CLIC5: variants seen among roughly 807,000 people sequenced by gnomAD.
The protein encoded by CLIC5 is CLIC family member 5.
In CLIC5, 20 loss-of-function variants were observed where a neutral mutation model predicts 24.7. That is an observed-to-expected ratio of 0.81 (90% CI 0.57 to 1.18). The LOEUF is 1.18. Ranked by LOEUF, CLIC5 falls within the 50% of genes most tolerant of loss-of-function variation. The pLI, the probability that CLIC5 is intolerant of heterozygous loss-of-function variation, is 0.00. For missense variants in CLIC5, 341 were observed against 326.1 expected (o/e 1.05, Z -0.35); for synonymous variants, 159 against 135.6 (o/e 1.17, Z -1.20).
At chr6:46,079,293 AC>A (rs1209323577) in intron 1 of CLIC5, among the ~76,000 whole-genome samples, 1 of 152,178 alleles carries the variant, frequency 6.6e-6, no homozygotes, top group Non-Finnish European at 1.5e-5. Context: ...CAAATCTGTG[AC>A]CTTAGAAGCA....
intron 4 of CLIC5, among the ~76,000 whole-genome samples, chr6:45,924,815 T>A (rs9381411): frequency 0.3 from 46,104 of 151,916 alleles, 7,178 homozygotes; most frequent in East Asian, 0.47. Flanking sequence ...AAAATACTCA[T>A]CTTCCTAGAT....
chr6:46,005,852 C>A (rs1051473265), intron 1 of CLIC5, among the ~76,000 whole-genome samples: 3 of 151,506 alleles, frequency 2.0e-5, no homozygotes, highest in African/African-American at 7.3e-5. Flanking sequence ...GACACCAAAT[C>A]TATTGGTGCA....
At chr6:45,960,299 A>G (rs1475679584) in intron 1 of CLIC5, among the ~76,000 whole-genome samples, 1 of 152,234 alleles carries the variant, frequency 6.6e-6, no homozygotes, top group African/African-American at 2.4e-5. Flanking sequence ...AAGTGACCAG[A>G]TGACATTGAA....
chr6:45,990,976 G>C (rs1016226209), intron 1 of CLIC5, among the ~76,000 whole-genome samples: 1 of 152,158 alleles, frequency 6.6e-6, no homozygotes, highest in South Asian at 2.1e-4. Flanking sequence ...CTGTCCATGT[G>C]AGGATTAGAT....
intron 4 of CLIC5, among the ~76,000 whole-genome samples, chr6:45,922,540 A>G (rs994968805): frequency 1.3e-5 from 2 of 152,140 alleles, no homozygotes; most frequent in African/African-American, 2.4e-5. Context: ...TAAAGGCAAG[A>G]GACTTTGGCC....
At chr6:45,985,423 A>T (rs78847809) in intron 1 of CLIC5, among the ~76,000 whole-genome samples, 1,591 of 152,284 alleles carry the variant, frequency 0.01, 14 homozygotes, top group South Asian at 0.021. Context: ...ATTTCTTCCC[A>T]TAGGTACCTT....
chr6:45,895,056 G>T (rs1340967195), downstream of CLIC5, among the ~76,000 whole-genome samples: 1 of 152,016 alleles, frequency 6.6e-6, no homozygotes, highest in Non-Finnish European at 1.5e-5. Flanking sequence ...TATCTCACTA[G>T]AAAAAGTCTG....
At chr6:46,101,829 A>G in the CLIC5 span, among the ~76,000 whole-genome samples, 5 of 152,346 alleles carry the variant, frequency 3.3e-5, no homozygotes, top group East Asian at 3.9e-4. Context: ...GATAATTTCC[A>G]AAGTCCTTTT....
chr6:46,084,356 G>A (rs4331969), upstream of CLIC5, among the ~76,000 whole-genome samples: 84,711 of 151,940 alleles, frequency 0.56, 23,939 homozygotes, highest in Middle Eastern at 0.77. Flanking sequence ...AGTTGATGCA[G>A]TTTCTTCCTA....
intron 1 of CLIC5, among the ~76,000 whole-genome samples, chr6:46,060,665 A>G (rs1457583356): frequency 6.6e-6 from 1 of 152,150 alleles, no homozygotes; most frequent in Non-Finnish European, 1.5e-5. Context: ...TGGGTAGGAC[A>G]ATGTAATTGC....
intron 1 of CLIC5, among the ~76,000 whole-genome samples, chr6:45,979,058 C>A (rs1765481966): frequency 6.6e-6 from 1 of 152,040 alleles, no homozygotes; most frequent in South Asian, 2.1e-4. Context: ...GGATACACAA[C>A]AGCCACGGAC....
Position 45,936,697 on chromosome 6 carries a change from T to A in CLIC5, c.406+4850A>T, listed in dbSNP as rs558322568. 2.0e-5 allele frequency among the ~76,000 whole-genome samples: 3 copies of A among 151,962 alleles called. No individual in the cohort carries two copies. In the South Asian group the frequency reaches 6.3e-4, roughly 32 times the overall value. On this transcript the variant is annotated intron_variant, in intron 4 of 5. Transcript: ENST00000339561. ...AACTCTAAAGTAGTTGGCTTTAGAG[T>A]CTGCAAGTTGAGCCATACACAGTCA... is the stretch of plus-strand genomic sequence containing the variant.
At chr6:45,992,140 T>A (rs912691218) in intron 1 of CLIC5, among the ~76,000 whole-genome samples, 1 of 152,182 alleles carries the variant, frequency 6.6e-6, no homozygotes, top group Admixed American at 6.5e-5. Context: ...CCTACCATCT[T>A]CAATGGTATC....
chr6:45,963,072 A>G (rs530860970), intron 1 of CLIC5, among the ~76,000 whole-genome samples: 5 of 152,034 alleles, frequency 3.3e-5, no homozygotes, highest in Admixed American at 6.5e-5. Context: ...ATGTCCCGCT[A>G]TTTGAATAAA....
At chr6:46,057,740 C>T (rs779557050) in intron 1 of CLIC5, among the ~76,000 whole-genome samples, 2 of 152,210 alleles carry the variant, frequency 1.3e-5, no homozygotes, top group African/African-American at 2.4e-5. Context: ...CCCACCCCTA[C>T]AAACTAGCCA....
rs528874029 is a variant in CLIC5 at position 46,049,192 on chromosome 6, T to C, written c.540+30511A>G. On this transcript the variant is annotated intron_variant, in intron 1 of 5. Coordinates refer to the CLIC5 transcript ENST00000185206. ...AAACTTGTAGGGAGTAATCCTAGAC[T>C]ATCTCTTTCATAATCATCTTTGGGA... 3.3e-5 allele frequency among the ~76,000 whole-genome samples: 5 copies of C among 152,180 alleles called. No homozygotes were observed. In the East Asian group the frequency reaches 9.6e-4, roughly 29 times the overall value.
Position 45,908,633 on chromosome 6 carries a change from A to ACTCTT in CLIC5, c.589-5379_589-5378insAAGAG, listed in dbSNP as rs1581718713. ...TATTTTTGTTCCACTGTGGTCCAAG[A>ACTCTT]GTATGATTGATATAATTTCTATTTT... On this transcript the variant is annotated intron_variant, in intron 5 of 5. Transcript: ENST00000339561. 2.6e-5 allele frequency among the ~76,000 whole-genome samples: 4 copies of ACTCTT among 152,244 alleles called. No homozygotes were observed. In the East Asian group the frequency reaches 7.7e-4, roughly 29 times the overall value.
At chr6:46,038,709 C>A (rs1277619637) in intron 1 of CLIC5, among the ~76,000 whole-genome samples, 1 of 152,180 alleles carries the variant, frequency 6.6e-6, no homozygotes, top group African/African-American at 2.4e-5. Context: ...CACTCTCTTT[C>A]CCAGATTGGT....
chr6:46,068,859 T>C (rs1347689970), intron 1 of CLIC5, among the ~76,000 whole-genome samples: 1 of 152,162 alleles, frequency 6.6e-6, no homozygotes, highest in Admixed American at 6.6e-5. Context: ...TTGATCTTGC[T>C]CTTCTAGCCT....
Sources: allele counts gnomAD v4.1 joint callset (sites outside exome capture counted in the v4.1 genomes callset), GRCh38; gene constraint gnomAD v4.1.1; transcripts MANE v1.5; gene names NCBI Gene and HGNC (gene_info 2026-07-23, HGNC 2026-07-21).